Variants in ATP2C1 observed in about 807,000 individuals in gnomAD.
ATP2C1 encodes ATPase secretory pathway Ca2+ transporting 1.
A neutral mutation model predicts 120.5 loss-of-function variants in ATP2C1; 31 were observed. That is an observed-to-expected ratio of 0.26 (90% CI 0.19 to 0.35). The LOEUF is 0.35. ATP2C1 is among the 10% of genes least tolerant of loss of function. The probability of loss-of-function intolerance (pLI) is 1.00; values close to 1 mark genes in which losing one functional copy is unlikely to be tolerated. For synonymous variants in ATP2C1, 351 were observed against 358.7 expected (o/e 0.98, Z 0.24); for missense variants, 731 against 1,107.5 (o/e 0.66, Z 4.83).
At chr3:130,876,307 T>G (rs1304390767) in intron 1 of ATP2C1, among the ~76,000 whole-genome samples, 1 of 152,140 alleles carries the variant, frequency 6.6e-6, no homozygotes, top group Non-Finnish European at 1.5e-5. Context: ...TTATATATGC[T>G]GAGAGTTAGG....
At chr3:130,993,075 T>C in intron 21 of ATP2C1, 74 bp downstream of exon 21, 1 of 1,311,260 alleles carries the variant, frequency 7.6e-7, no homozygotes, top group Non-Finnish European at 1.1e-6. Flanking sequence ...TATGTTTGCA[T>C]TACAGGGAGT....
chr3:130,924,974 T>C (rs2059137983), intron 2 of ATP2C1, among the ~76,000 whole-genome samples: 1 of 152,148 alleles, frequency 6.6e-6, no homozygotes, highest in South Asian at 2.1e-4. Flanking sequence ...TCCTTTTATA[T>C]CCTGTATCAT....
intron 2 of ATP2C1, chr3:130,918,098 G>T: frequency 1.6e-6 from 1 of 621,342 alleles, no homozygotes; most frequent in Non-Finnish European, 2.9e-6. Flanking sequence ...CAGCCTATCC[G>T]AGTACAGGGT....
chr3:130,947,143 C>T (rs1220036745), intron 8 of ATP2C1, among the ~76,000 whole-genome samples: 3 of 152,048 alleles, frequency 2.0e-5, no homozygotes, highest in East Asian at 3.9e-4. Context: ...TCTAATGTGC[C>T]TAGGAATCAG....
At chr3:131,010,202 T>C (rs1347701417) in intron 26 of ATP2C1, among the ~76,000 whole-genome samples, 1 of 149,184 alleles carries the variant, frequency 6.7e-6, no homozygotes, top group Non-Finnish European at 1.5e-5. Flanking sequence ...TTTTTTTTTT[T>C]TTTTTTGAGA....
intron 8 of ATP2C1, among the ~76,000 whole-genome samples, chr3:130,946,146 GC>G (rs1484661019): frequency 6.6e-6 from 1 of 152,108 alleles, no homozygotes; most frequent in Non-Finnish European, 1.5e-5. Flanking sequence ...TACCACTTGG[GC>G]TAGCAACCAA....
intron 1 of ATP2C1, among the ~76,000 whole-genome samples, chr3:130,862,654 T>A (rs962676012): frequency 2.6e-5 from 4 of 152,238 alleles, no homozygotes; most frequent in Non-Finnish European, 2.9e-5. Context: ...CATATTTATA[T>A]GAAGATTTCA....
intron 2 of ATP2C1, among the ~76,000 whole-genome samples, chr3:130,907,841 A>G (rs896334324): frequency 5.3e-5 from 8 of 151,852 alleles, no homozygotes; most frequent in African/African-American, 1.9e-4. Context: ...AATTTTCATA[A>G]GCATTGCCTT....
At chr3:130,891,948 T>G (rs1191710829), upstream of ATP2C1, among the ~76,000 whole-genome samples, 1 of 152,190 alleles carries the variant, frequency 6.6e-6, no homozygotes, top group Non-Finnish European at 1.5e-5. Flanking sequence ...AATGACTAAT[T>G]GGTCAATTCT....
At chr3:130,872,854 A>T (rs2068480076) in intron 1 of ATP2C1, among the ~76,000 whole-genome samples, 1 of 152,158 alleles carries the variant, frequency 6.6e-6, no homozygotes, top group African/African-American at 2.4e-5. Flanking sequence ...AAGTGCTGGG[A>T]TTACAGGTGT....
chr3:131,005,886 C>T (rs2063088098), downstream of ATP2C1, among the ~76,000 whole-genome samples: 1 of 152,120 alleles, frequency 6.6e-6, no homozygotes, highest in South Asian at 2.1e-4. Context: ...AAACACTGAT[C>T]TGAATTACTG....
intron 2 of ATP2C1, among the ~76,000 whole-genome samples, chr3:130,897,553 G>A (rs761864048): frequency 6.6e-6 from 1 of 152,130 alleles, no homozygotes; most frequent in Non-Finnish European, 1.5e-5. Context: ...TTACATTTGT[G>A]GGTGTGAACA....
chr3:131,015,328 A>G (rs2063562109), intron 26 of ATP2C1: 1 of 652,214 alleles, frequency 1.5e-6, no homozygotes, highest in Admixed American at 2.5e-5. Context: ...GACAAACAAA[A>G]CACAATCTAT....
chr3:130,967,075 G>C, intron 14 of ATP2C1, 70 bp from the exon 15 acceptor site: 5 of 1,177,218 alleles, frequency 4.2e-6, no homozygotes, highest in Non-Finnish European at 6.4e-6. Flanking sequence ...TAGTTTTTGG[G>C]TTTTATAGGT....
rs373167970 is a variant in ATP2C1, at chr3:130,974,754, TA to T, written c.1414-573del. Among the ~76,000 whole-genome samples the T allele has an allele frequency of 1.8e-4, 27 of 152,274 alleles. 1 individual carries two copies. In the East Asian group the frequency reaches 3.7e-3, roughly 21 times the overall value. On this transcript the variant is annotated intron_variant, in intron 17 of 27. Transcript: ENST00000510168. Reference sequence around the variant, plus strand: ...TGATGGAGTAGCAGTATAAACATGTTAAAAACATGAGGGTAAATATCAGAGA... The same window carrying T: ...TGATGGAGTAGCAGTATAAACATGTTAAAACATGAGGGTAAATATCAGAGA...
At chr3:130,871,304 A>G (rs2068421022) in intron 1 of ATP2C1, among the ~76,000 whole-genome samples, 1 of 152,216 alleles carries the variant, frequency 6.6e-6, no homozygotes, top group African/African-American at 2.4e-5. Flanking sequence ...ATTGAGTACT[A>G]TTGGCATGAT....
chr3:131,011,570 A>T (rs1029796712), intron 26 of ATP2C1, among the ~76,000 whole-genome samples: 1 of 152,192 alleles, frequency 6.6e-6, no homozygotes, highest in Admixed American at 6.5e-5. Context: ...GGTGTTCCTA[A>T]TGTATATCTG....
At chr3:130,876,269 A>T (rs1029103562) in intron 1 of ATP2C1, among the ~76,000 whole-genome samples, 8 of 152,042 alleles carry the variant, frequency 5.3e-5, no homozygotes, top group African/African-American at 1.9e-4. Context: ...TCTTACATTT[A>T]ATTATTTAAT....
chr3:130,938,796 G>A (rs1397034700), intron 6 of ATP2C1, among the ~76,000 whole-genome samples: 2 of 152,182 alleles, frequency 1.3e-5, no homozygotes, highest in Non-Finnish European at 2.9e-5. Flanking sequence ...TATGTGGAGT[G>A]CCCTACTTCA....
Sources: allele counts gnomAD v4.1 joint callset (sites outside exome capture counted in the v4.1 genomes callset), GRCh38; gene constraint gnomAD v4.1.1; transcripts MANE v1.5; gene names NCBI Gene and HGNC (gene_info 2026-07-23, HGNC 2026-07-21).